ST6GALNAC5: variants seen among roughly 807,000 people sequenced by gnomAD.
ST6GALNAC5 encodes the protein ST6 N-acetylgalactosaminide alpha-2,6-sialyltransferase 5, also known as alpha-N-acetylgalactosaminide alpha-2,6-sialyltransferase 5.
Under a neutral mutation model 33.6 loss-of-function variants are expected in ST6GALNAC5, and 27 were observed. That is an observed-to-expected ratio of 0.80 (90% confidence interval 0.59 to 1.11). The LOEUF (loss-of-function observed/expected upper bound fraction) is 1.11, where lower values mean the gene tolerates loss of function less well. ST6GALNAC5 is among the 50% of genes least tolerant of loss of function. The pLI, the probability that ST6GALNAC5 is intolerant of heterozygous loss-of-function variation, is 0.00. For synonymous variants in ST6GALNAC5, 194 were observed against 171.2 expected, an observed-to-expected ratio of 1.13 and a Z score of -1.04; for missense variants, 428 against 454.0, an observed-to-expected ratio of 0.94 and a Z score of 0.52.
At position 76,962,967 on chromosome 1, in the gene ST6GALNAC5, A is replaced by T. The variant is rs964650921; in HGVS notation, c.262-81237A>T. ...TTATAGAGTTGTTATATTATACTTC[A>T]TATTGGTATGGAGATGGAATTGGCT... On this transcript the variant is annotated intron_variant, in intron 2 of 4. Coordinates refer to ENST00000477717, the MANE Select transcript of ST6GALNAC5 (RefSeq NM_030965.3). Among the ~76,000 whole-genome samples the T allele has an allele frequency of 6.6e-5, 10 of 152,302 alleles. No individual in the cohort carries two copies. The East Asian group carries it at 1.7e-3, about 26-fold the overall frequency.
chr1:76,890,652 G>T (rs1653995338), intron 2 of ST6GALNAC5, among the ~76,000 whole-genome samples: 1 of 151,524 alleles, frequency 6.6e-6, no homozygotes, highest in Non-Finnish European at 1.5e-5. Flanking sequence ...GCTTTTCTTG[G>T]TATTCTATAA....
intron 2 of ST6GALNAC5, among the ~76,000 whole-genome samples, chr1:76,972,282 G>A (rs1216634565): frequency 6.6e-6 from 1 of 152,084 alleles, no homozygotes; most frequent in East Asian, 1.9e-4. Context: ...AGAACAGCAT[G>A]GGAAAGACCT....
chr1:76,993,468 T>A (rs1322270739), intron 2 of ST6GALNAC5, among the ~76,000 whole-genome samples: 4 of 152,226 alleles, frequency 2.6e-5, no homozygotes, highest in African/African-American at 9.6e-5. Flanking sequence ...GTCAGTGTTA[T>A]GTTTCACTGC....
chr1:76,966,834 T>A (rs895762155), intron 2 of ST6GALNAC5, among the ~76,000 whole-genome samples: 1 of 152,252 alleles, frequency 6.6e-6, no homozygotes, highest in Admixed American at 6.5e-5. Context: ...CAAAGGCCTT[T>A]TCTGCATCTA....
At chr1:77,010,365 C>A (rs900493133) in intron 2 of ST6GALNAC5, among the ~76,000 whole-genome samples, 1 of 152,026 alleles carries the variant, frequency 6.6e-6, no homozygotes, top group Non-Finnish European at 1.5e-5. Context: ...TGTGATGGCA[C>A]ACACTTGTAA....
intron 2 of ST6GALNAC5, among the ~76,000 whole-genome samples, chr1:76,932,511 T>C (rs1647154115): frequency 6.6e-6 from 1 of 152,086 alleles, no homozygotes; most frequent in Non-Finnish European, 1.5e-5. Flanking sequence ...TGATGGTAAT[T>C]AGAGGGAAAG....
intron 2 of ST6GALNAC5, among the ~76,000 whole-genome samples, chr1:77,004,493 T>C (rs1220914949): frequency 7.0e-6 from 1 of 143,400 alleles, no homozygotes; most frequent in Non-Finnish European, 1.6e-5. Context: ...TCTCAGCTCG[T>C]CAAAGTCATT....
chr1:76,886,213 C>T (rs1260398751), intron 2 of ST6GALNAC5, among the ~76,000 whole-genome samples: 1 of 152,146 alleles, frequency 6.6e-6, no homozygotes, highest in African/African-American at 2.4e-5. Flanking sequence ...GCAACCTCTT[C>T]TGATTTCTTT....
chr1:77,029,996 G>A (rs1384490669), intron 2 of ST6GALNAC5, among the ~76,000 whole-genome samples: 1 of 152,226 alleles, frequency 6.6e-6, no homozygotes, highest in Admixed American at 6.5e-5. Flanking sequence ...GTGTGGAAAT[G>A]TTAGTTCCTG....
At chr1:76,989,689 C>T (rs915605027) in intron 2 of ST6GALNAC5, among the ~76,000 whole-genome samples, 1 of 151,780 alleles carries the variant, frequency 6.6e-6, no homozygotes, top group African/African-American at 2.4e-5. Context: ...TTCTTCTTTT[C>T]CACAGTCTCC....
rs758961925 is a variant in ST6GALNAC5 at position 76,871,994 on chromosome 1, A to G, written c.261+3252A>G. ...AATGATAACAAGATTGCTTAGGTACAACTGAAGAAGCCAATTTTCATGGCT... is the reference window on the plus strand; with the variant it reads ...AATGATAACAAGATTGCTTAGGTACGACTGAAGAAGCCAATTTTCATGGCT... On this transcript the variant is annotated intron_variant, in intron 2 of 4. Coordinates refer to ENST00000477717, the MANE Select transcript of ST6GALNAC5 (RefSeq NM_030965.3). Among the ~76,000 whole-genome samples the G allele has an allele frequency of 5.9e-5, 9 of 152,022 alleles. No homozygotes were observed. The South Asian group carries it at 1.3e-3, about 21-fold the overall frequency.
intron 2 of ST6GALNAC5, among the ~76,000 whole-genome samples, chr1:77,033,438 A>C (rs1306186643): frequency 2.0e-5 from 3 of 152,234 alleles, no homozygotes; most frequent in Non-Finnish European, 4.4e-5. Flanking sequence ...AAATTGGATC[A>C]TGAGAGGTGG....
At position 76,950,418 on chromosome 1, in the gene ST6GALNAC5, A is replaced by G. The variant is rs1647697549; in HGVS notation, c.261+81676A>G. Among the ~76,000 whole-genome samples, 4 of 152,156 alleles carry G rather than the reference A, an allele frequency of 2.6e-5. No individual in the cohort carries two copies. In the South Asian group the frequency reaches 8.3e-4, roughly 32 times the overall value. ...ATAGGTAAGAAACTGAGACACGTAG[A>G]GATGAACTAATTTATTCATTTGGTG... On this transcript the variant is annotated intron_variant, in intron 2 of 4. Coordinates refer to ENST00000477717, the MANE Select transcript of ST6GALNAC5 (RefSeq NM_030965.3).
intron 2 of ST6GALNAC5, among the ~76,000 whole-genome samples, chr1:77,015,159 A>C (rs1650781689): frequency 6.6e-6 from 1 of 152,082 alleles, no homozygotes; most frequent in African/African-American, 2.4e-5. Context: ...GCAGATTGCA[A>C]GCTGGGGACT....
chr1:77,010,710 G>A (rs1385434646), intron 2 of ST6GALNAC5, among the ~76,000 whole-genome samples: 1 of 111,630 alleles, frequency 9.0e-6, no homozygotes, highest in Non-Finnish European at 2.0e-5. Context: ...GTTTGACCCT[G>A]TGGCTCCAGG....
intron 2 of ST6GALNAC5, among the ~76,000 whole-genome samples, chr1:76,946,557 A>G (rs961363380): frequency 1.3e-5 from 2 of 152,122 alleles, no homozygotes; most frequent in Non-Finnish European, 2.9e-5. Flanking sequence ...GCTTTATTGA[A>G]CATGCTAATA....
intron 2 of ST6GALNAC5, among the ~76,000 whole-genome samples, chr1:76,901,394 G>A (rs1057496941): frequency 6.6e-6 from 1 of 152,152 alleles, no homozygotes; most frequent in Non-Finnish European, 1.5e-5. Context: ...GGAAGCAGTG[G>A]GCACTGTTTA....
intron 2 of ST6GALNAC5, among the ~76,000 whole-genome samples, chr1:77,000,884 G>C (rs1650126845): frequency 6.6e-6 from 1 of 152,094 alleles, no homozygotes. Context: ...ATGCTGTTTT[G>C]GTTACTGTAG....
At chr1:77,021,306 T>A (rs760757475) in intron 2 of ST6GALNAC5, among the ~76,000 whole-genome samples, 1 of 152,118 alleles carries the variant, frequency 6.6e-6, no homozygotes, top group Non-Finnish European at 1.5e-5. Flanking sequence ...GAAACCAAAT[T>A]GGTTGGGGGC....
Sources: allele counts gnomAD v4.1 joint callset (sites outside exome capture counted in the v4.1 genomes callset), GRCh38; gene constraint gnomAD v4.1.1; transcripts MANE v1.5; gene names NCBI Gene and HGNC (gene_info 2026-07-23, HGNC 2026-07-21).